KIF26B: variants seen among roughly 807,000 people sequenced by gnomAD.
KIF26B encodes the protein kinesin family member 26B.
A neutral mutation model predicts 151.2 loss-of-function variants in KIF26B; 63 were observed. The ratio of observed to expected loss-of-function variants is 0.42; its 90% CI spans 0.34 to 0.51. KIF26B has a LOEUF of 0.51. Ranked by LOEUF, KIF26B falls within the 20% of genes least tolerant of loss-of-function variation. The pLI is 0.07. For missense variants in KIF26B, 2,813 were observed against 2,913.6 expected, an observed-to-expected ratio of 0.97 and a Z score of 0.79; for synonymous variants, 1,357 against 1,262.1, an observed-to-expected ratio of 1.08 and a Z score of -1.59.
intron 4 of KIF26B, among the ~76,000 whole-genome samples, chr1:245,518,519 C>T (rs1274091168): frequency 2.0e-5 from 3 of 152,176 alleles, no homozygotes; most frequent in Admixed American, 6.5e-5. Context: ...AGTCCTAAGT[C>T]GTCCCTTGGA....
chr1:245,678,498 C>T (rs1018208669), intron 10 of KIF26B, among the ~76,000 whole-genome samples: 1 of 152,120 alleles, frequency 6.6e-6, no homozygotes, highest in Non-Finnish European at 1.5e-5. Context: ...GTTATCTTGG[C>T]TATCTCATGC....
chr1:245,448,399 G>A (rs1659296627), intron 4 of KIF26B, among the ~76,000 whole-genome samples: 1 of 152,066 alleles, frequency 6.6e-6, no homozygotes, highest in Admixed American at 6.6e-5. Context: ...TGGTAGAGAT[G>A]GGGTTTCATC....
chr1:245,609,581 G>A, intron 8 of KIF26B, 53 bp downstream of exon 8: 1 of 1,451,838 alleles, frequency 6.9e-7, no homozygotes, highest in African/African-American at 1.4e-5. Flanking sequence ...CCCCACCTCA[G>A]AGGCTGGGGC....
At chr1:245,176,793 A>G (rs138566695) in intron 2 of KIF26B, among the ~76,000 whole-genome samples, 1 of 152,258 alleles carries the variant, frequency 6.6e-6, no homozygotes, top group African/African-American at 2.4e-5. Flanking sequence ...TTTAACGGTC[A>G]TGTTTACTTT....
At chr1:245,513,246 G>A (rs958483888) in intron 4 of KIF26B, among the ~76,000 whole-genome samples, 9 of 135,066 alleles carry the variant, frequency 6.7e-5, no homozygotes, top group Admixed American at 8.5e-5. Flanking sequence ...AGAATCTCAC[G>A]TGTTTTCGTG....
Position 245,179,444 on chromosome 1 carries a change from C to T in KIF26B, c.465+22761C>T, listed in dbSNP as rs531383277. Among the ~76,000 whole-genome samples, 10 of 152,076 alleles carry T rather than the reference C, an allele frequency of 6.6e-5. No homozygotes were observed. The South Asian group carries it at 2.1e-3, about 32-fold the overall frequency. ...TTTGAGACCATCCTGGCCAACATGG[C>T]GAAACCCTGTCTCTATTAAAAATAC... On this transcript the variant is annotated intron_variant, in intron 2 of 14. Coordinates refer to ENST00000407071, the MANE Select transcript of KIF26B (RefSeq NM_018012.4).
chr1:245,359,639 CTTCCTTCCTTCA>C (rs1015659972), intron 2 of KIF26B, among the ~76,000 whole-genome samples: 13 of 151,322 alleles, frequency 8.6e-5, no homozygotes, highest in African/African-American at 3.2e-4. Flanking sequence ...TGATTCCTTC[CTTCCTTCCTTCA>C]TTCCTTCCCT....
chr1:245,586,778 C>T (rs1180017519), intron 5 of KIF26B, among the ~76,000 whole-genome samples: 1 of 150,380 alleles, frequency 6.6e-6, no homozygotes, highest in Non-Finnish European at 1.5e-5. Context: ...CCCAGCTACT[C>T]GGGAGGCTGA....
At chr1:245,624,906 G>A (rs769939651) in intron 9 of KIF26B, among the ~76,000 whole-genome samples, 3 of 152,080 alleles carry the variant, frequency 2.0e-5, no homozygotes, top group Admixed American at 6.5e-5. Flanking sequence ...GTTAATTTTT[G>A]TATATTTTGC....
Position 245,602,848 on chromosome 1 carries a change from A to G in KIF26B, c.1557+65A>G. On this transcript the variant is annotated intron_variant, in intron 6 of 14. Transcript: ENST00000407071. The surrounding 1 kb of genome is among the most constrained non-coding windows in gnomAD (Gnocchi z 4.5). ...GAAAGGGCAACGTTTACTCATTCACAAGGGCCCTTGAGCTGGGAGGGTGTC... is the reference window on the plus strand; with the variant it reads ...GAAAGGGCAACGTTTACTCATTCACGAGGGCCCTTGAGCTGGGAGGGTGTC... 1 of 1,475,520 alleles carries G rather than the reference A, an allele frequency of 6.8e-7. No homozygotes were observed. The highest frequency in any genetic ancestry group is 9.5e-7 in the Non-Finnish European group (1 of 1,056,222). 91.4% of individuals were successfully genotyped at this position (1,475,520 alleles called of 1,614,324 possible).
intron 4 of KIF26B, among the ~76,000 whole-genome samples, chr1:245,461,018 A>G (rs1373208015): frequency 5.9e-5 from 9 of 152,152 alleles, no homozygotes; most frequent in African/African-American, 2.2e-4. Flanking sequence ...GCTGCAGAGG[A>G]CCCAGCACAG....
Position 245,281,752 on chromosome 1 carries a change from G to A in KIF26B, c.466-85082G>A, listed in dbSNP as rs200427013. 1.7e-3 allele frequency among the ~76,000 whole-genome samples: 261 copies of A among 151,874 alleles called. 1 individual carries two copies. Among genetic ancestry groups the A allele is most frequent in the Admixed American group, 3.5e-3 (53 of 15,224 alleles). ...TTATGGTTTTAGGTCTAACGTTTAA[G>A]TCTTTAATCCATCTTGAATTGATTT... On this transcript the variant is annotated intron_variant, in intron 2 of 14. Transcript: ENST00000407071.
chr1:245,343,363 CT>C (rs541859841), intron 2 of KIF26B, among the ~76,000 whole-genome samples: 8,948 of 146,176 alleles, frequency 0.061, 509 homozygotes, highest in Admixed American at 0.19. Context: ...TCCATGCAAT[CT>C]TTTTTTTTTT....
At chr1:245,173,777 TCTTA>T (rs1668755756) in intron 2 of KIF26B, among the ~76,000 whole-genome samples, 1 of 152,186 alleles carries the variant, frequency 6.6e-6, no homozygotes, top group African/African-American at 2.4e-5. Context: ...CTCTCCTTTC[TCTTA>T]CTTCCACGGA....
Position 245,563,673 on chromosome 1 carries a change from G to A in KIF26B, c.1350+22723G>A, listed in dbSNP as rs923587134. Among the ~76,000 whole-genome samples, 11 of 152,280 alleles carry A rather than the reference G, an allele frequency of 7.2e-5. No homozygotes were observed. The highest frequency in any genetic ancestry group is 2.6e-4 in the African/African-American group (11 of 41,566). Reference sequence around the variant, plus strand: ...ACGATGTTTTCGTTAAGAATGGACTGCCTGTATAATGGTGGTCCCATAAGA... The same window carrying A: ...ACGATGTTTTCGTTAAGAATGGACTACCTGTATAATGGTGGTCCCATAAGA... On this transcript the variant is annotated intron_variant, in intron 5 of 14. Coordinates refer to ENST00000407071, the MANE Select transcript of KIF26B (RefSeq NM_018012.4). This position sits in a 1 kb window ranked among gnomAD's most constrained non-coding sequence, Gnocchi z 4.6.
At chr1:245,637,725 C>T (rs10802232) in intron 9 of KIF26B, among the ~76,000 whole-genome samples, 11,960 of 151,980 alleles carry the variant, frequency 0.079, 595 homozygotes, top group Admixed American at 0.16. Flanking sequence ...ATATGAATAT[C>T]CAGTTTTCCC....
At chr1:245,226,607 G>T (rs1669881905) in intron 2 of KIF26B, among the ~76,000 whole-genome samples, 1 of 152,058 alleles carries the variant, frequency 6.6e-6, no homozygotes, top group African/African-American at 2.4e-5. Flanking sequence ...GGGATTACAG[G>T]CATGCACCAC....
intron 10 of KIF26B, among the ~76,000 whole-genome samples, chr1:245,674,911 C>A (rs1255759768): frequency 6.6e-6 from 1 of 152,140 alleles, no homozygotes; most frequent in African/African-American, 2.4e-5. Flanking sequence ...AATTAGGGTC[C>A]AACTACAAAG....
chr1:245,605,448 T>G (rs1415879553), intron 6 of KIF26B, among the ~76,000 whole-genome samples: 1 of 152,172 alleles, frequency 6.6e-6, no homozygotes, highest in Non-Finnish European at 1.5e-5. Context: ...AATTGTGCTT[T>G]CTCTTCGTTT....
Sources: gnomAD v4.1 joint callset for allele counts (sites outside exome capture counted in the v4.1 genomes callset) on GRCh38, gnomAD v4.1.1 for gene constraint, Gnocchi (gnomAD v3.1) non-coding constraint, MANE v1.5 for transcripts, NCBI Gene and HGNC (gene_info 2026-07-23, HGNC 2026-07-21) for gene names.